The following SVOPL variants were observed in gnomAD, a reference collection of about 807,000 sequenced individuals.
SVOPL encodes SVOP like, also known as putative transporter SVOPL.
Under a neutral mutation model 61.0 loss-of-function variants are expected in SVOPL, and 60 were observed. That is an observed-to-expected ratio of 0.98 (90% CI 0.80 to 1.22). The LOEUF is 1.22. SVOPL is among the 50% of genes most tolerant of loss of function. The probability of loss-of-function intolerance (pLI) is 0.00; values close to 1 mark genes in which losing one functional copy is unlikely to be tolerated. For missense variants in SVOPL, 662 were observed against 643.9 expected, an observed-to-expected ratio of 1.03 and a Z score of -0.30; for synonymous variants, 279 against 250.0, an observed-to-expected ratio of 1.12 and a Z score of -1.09.
In SVOPL at chr7:138,661,458, G is replaced by A. The variant is rs930674392; in HGVS notation, c.346-1470C>T. The A allele has an allele frequency of 1.2e-5, 12 of 982,650 alleles. No homozygotes were observed. In the African/African-American group the frequency reaches 2.1e-4, roughly 17 times the overall value. 60.9% of individuals were successfully genotyped at this position (982,650 alleles called of 1,614,324 possible). On this transcript the variant is annotated intron_variant, in intron 5 of 15. Coordinates refer to ENST00000674285, the MANE Select transcript of SVOPL (RefSeq NM_001139456.2). Reference sequence around the variant, plus strand: ...GTATGCAGAATTTATCAGGTCCAGAGACACAGGAGCATGCGACTCCGGTCA... The same window carrying A: ...GTATGCAGAATTTATCAGGTCCAGAAACACAGGAGCATGCGACTCCGGTCA...
In SVOPL at chr7:138,630,096, T is replaced by C; in HGVS notation, c.816A>G (p.Leu272=). 1.9e-6 allele frequency: 3 copies of C among 1,613,996 alleles called. No homozygotes were observed. Among genetic ancestry groups the C allele is most frequent in the Non-Finnish European group, 2.5e-6 (3 of 1,179,858 alleles). ...TGGTCCGTAAATATTTAGCATCCAA[T>C]AGGTCTGCAAATCTTCCTCTTTTTT... is the stretch of plus-strand genomic sequence containing the variant. The part of the protein sequence containing the change: ...VLEKRGRFAD[L]LDAKYLRTTL... The change falls in exon 10 of 16, where the codon CTA becomes CTG. Residue 272 remains leucine (L), a synonymous_variant. Coordinates refer to ENST00000674285, the MANE Select transcript of SVOPL (RefSeq NM_001139456.2).
At chr7:138,640,553 TAA>T (rs1207858847) in intron 9 of SVOPL, among the ~76,000 whole-genome samples, 1 of 152,166 alleles carries the variant, frequency 6.6e-6, no homozygotes, top group African/African-American at 2.4e-5. Context: ...CCCAGCTTTT[TAA>T]AAAATTTTTA....
chr7:138,686,096 C>A (rs946645663), intron 1 of SVOPL, among the ~76,000 whole-genome samples: 2 of 151,852 alleles, frequency 1.3e-5, no homozygotes, highest in African/African-American at 2.4e-5. Context: ...TGTCCTTTTG[C>A]CAAAACATAA....
At chr7:138,603,933 G>A (rs1276815005) in intron 14 of SVOPL, among the ~76,000 whole-genome samples, 2 of 134,506 alleles carry the variant, frequency 1.5e-5, no homozygotes, top group Non-Finnish European at 3.2e-5. Flanking sequence ...AATTATTTCT[G>A]TCTCAAAAAC....
chr7:138,641,012 G>A (rs539123159), intron 9 of SVOPL, among the ~76,000 whole-genome samples: 1 of 152,176 alleles, frequency 6.6e-6, no homozygotes, highest in Non-Finnish European at 1.5e-5. Flanking sequence ...AGACTGGCCT[G>A]AGCAACAAAG....
chr7:138,636,074 G>A (rs1439861744), intron 9 of SVOPL, among the ~76,000 whole-genome samples: 4 of 151,820 alleles, frequency 2.6e-5, no homozygotes, highest in African/African-American at 7.2e-5. Context: ...GACTACAGGC[G>A]CACACCACTA....
intron 14 of SVOPL, among the ~76,000 whole-genome samples, chr7:138,612,424 T>TAAAAAAAAAAAAAAAAAAAAAAA (rs1281500368): frequency 1.2e-4 from 5 of 41,262 alleles, no homozygotes; most frequent in Non-Finnish European, 2.1e-4. Context: ...AAAAAAAAAA[T>TAAAAAAAAAAAAAAAAAAAAAAA]AAAATAAAAA....
At chr7:138,629,695 C>T (rs1333683657) in intron 10 of SVOPL, among the ~76,000 whole-genome samples, 3 of 152,130 alleles carry the variant, frequency 2.0e-5, no homozygotes, top group African/African-American at 7.2e-5. Context: ...ACAGAGGGTA[C>T]CACAAGAGTC....
intron 10 of SVOPL, among the ~76,000 whole-genome samples, chr7:138,629,671 C>T (rs1409461447): frequency 1.3e-5 from 2 of 152,164 alleles, no homozygotes; most frequent in Non-Finnish European, 2.9e-5. Flanking sequence ...GGTCATGCTG[C>T]AGAGAAATGA....
chr7:138,689,208 G>T, intron 1 of SVOPL: 2 of 1,352,636 alleles, frequency 1.5e-6, no homozygotes, highest in South Asian at 2.3e-5. Context: ...CAAGCAGTGG[G>T]GCTGGACACA....
In SVOPL at chr7:138,678,419, C is replaced by G; in HGVS notation, c.174+15G>C. ...AGTTTGACACTTTTCGTCAACATCTCGAAGGAGCACTCACCCCAGTACTGC... is the reference window on the plus strand; with the variant it reads ...AGTTTGACACTTTTCGTCAACATCTGGAAGGAGCACTCACCCCAGTACTGC... On this transcript the variant is annotated intron_variant, in intron 3 of 15. Transcript: ENST00000674285. 3 of 1,547,140 alleles carry G rather than the reference C, an allele frequency of 1.9e-6. No homozygotes were observed. Among genetic ancestry groups the G allele is most frequent in the East Asian group, 2.4e-5 (1 of 40,888 alleles).
chr7:138,637,463 T>TATATATATATAG (rs1554463004), intron 9 of SVOPL, among the ~76,000 whole-genome samples: 5 of 19,106 alleles, frequency 2.6e-4, no homozygotes, highest in African/African-American at 5.6e-4. Flanking sequence ...TAGATATATA[T>TATATATATATAG]ATATAGATAT....
intron 1 of SVOPL, among the ~76,000 whole-genome samples, chr7:138,686,883 G>C (rs1284845525): frequency 6.6e-6 from 1 of 151,798 alleles, no homozygotes; most frequent in African/African-American, 2.4e-5. Context: ...ATCTAGCTGG[G>C]GACGCAAAAG....
At chr7:138,663,390 C>A in intron 4 of SVOPL, 3 of 1,380,450 alleles carry the variant, frequency 2.2e-6, no homozygotes, top group Non-Finnish European at 2.8e-6. Context: ...CTCTGCCGCC[C>A]GCTTGTTGCT....
chr7:138,608,245 G>C (rs1176396341), intron 14 of SVOPL, among the ~76,000 whole-genome samples: 2 of 152,200 alleles, frequency 1.3e-5, no homozygotes, highest in Non-Finnish European at 2.9e-5. Context: ...AATAGGATTT[G>C]GGTGGAATGT....
chr7:138,678,625 G>C lies in SVOPL; in HGVS notation c.83-100C>G, dbSNP rs1381799438. 4.8e-5 allele frequency: 56 copies of C among 1,178,430 alleles called. 1 individual carries two copies. Among genetic ancestry groups the C allele is most frequent in the Non-Finnish European group, 1.2e-6 (1 of 838,280 alleles). The allele number at this position is 1,178,430 out of a possible 1,614,324, so 73.0% of individuals were successfully genotyped here. On this transcript the variant is annotated intron_variant, in intron 2 of 15. Transcript: ENST00000674285. ...AGCCAACCCATTATTATAAAAACAA[G>C]TTAATACGGGGGGTCAGTGGTAGGC...
At chr7:138,684,396 G>C (rs1016398363) in intron 1 of SVOPL, among the ~76,000 whole-genome samples, 1 of 151,078 alleles carries the variant, frequency 6.6e-6, no homozygotes, top group Admixed American at 6.6e-5. Context: ...AGGAACTCCT[G>C]CAACTTGAGC....
chr7:138,635,219 C>A (rs111910944), intron 9 of SVOPL, among the ~76,000 whole-genome samples: 10,782 of 151,200 alleles, frequency 0.071, 451 homozygotes, highest in East Asian at 0.13. Context: ...TTGCAGTGAG[C>A]CAAGATTGCA....
intron 14 of SVOPL, among the ~76,000 whole-genome samples, chr7:138,616,112 G>C (rs1420300843): frequency 6.6e-6 from 1 of 152,198 alleles, no homozygotes; most frequent in Non-Finnish European, 1.5e-5. Context: ...AAACATGTGG[G>C]TGCCCGATCT....
Sources: gnomAD v4.1 joint callset for allele counts (sites outside exome capture counted in the v4.1 genomes callset) on GRCh38, gnomAD v4.1.1 for gene constraint, MANE v1.5 for transcripts, NCBI Gene and HGNC (gene_info 2026-07-23, HGNC 2026-07-21) for gene names.